The following RAB37 variants were observed in gnomAD, a reference collection of about 807,000 sequenced individuals.
The protein encoded by RAB37 is ras-related protein Rab-37.
In RAB37, 29 loss-of-function variants were observed where a neutral mutation model predicts 33.1. The observed-to-expected ratio is 0.88, with a 90% CI of 0.65 to 1.20. The LOEUF is 1.20. Among genes scored for constraint, RAB37 ranks in the 50% most tolerant of loss-of-function variants. The probability of loss-of-function intolerance (pLI) is 0.00; values close to 1 mark genes in which losing one functional copy is unlikely to be tolerated. For missense variants in RAB37, 299 were observed against 301.1 expected (o/e 0.99, Z 0.05); for synonymous variants, 128 against 119.5 (o/e 1.07, Z -0.47).
At chr17:74,740,675 C>T in intron 1 of RAB37, 93 bp from the exon 2 acceptor site, 1 of 903,078 alleles carries the variant, frequency 1.1e-6, no homozygotes, top group Non-Finnish European at 1.8e-6. Flanking sequence ...CGTGCCAGCC[C>T]CCTCTTCTCT....
intron 1 of RAB37, among the ~76,000 whole-genome samples, chr17:74,728,418 G>C (rs954564807): frequency 2.0e-5 from 3 of 151,418 alleles, no homozygotes; most frequent in African/African-American, 7.3e-5. Context: ...TTCTTTCTAT[G>C]TGTGCATGTA....
chr17:74,717,658 C>T (rs564925261), intron 1 of RAB37, among the ~76,000 whole-genome samples: 2 of 151,596 alleles, frequency 1.3e-5, no homozygotes, highest in African/African-American at 2.4e-5. Flanking sequence ...ACTGAAAATA[C>T]GAAATTAGCC....
intron 1 of RAB37, among the ~76,000 whole-genome samples, chr17:74,696,949 G>A (rs944552477): frequency 6.6e-6 from 1 of 151,874 alleles, no homozygotes; most frequent in Non-Finnish European, 1.5e-5. Flanking sequence ...GTTTGGTTTG[G>A]TTTGGTTTTG....
intron 1 of RAB37, chr17:74,695,840 C>T: frequency 1.2e-6 from 2 of 1,613,956 alleles, no homozygotes; most frequent in Non-Finnish European, 1.7e-6. Context: ...GCAGAGGTCG[C>T]CCTCCAGGGG....
chr17:74,733,166 A>G (rs1475932491), upstream of RAB37, among the ~76,000 whole-genome samples: 1 of 151,836 alleles, frequency 6.6e-6, no homozygotes, highest in Non-Finnish European at 1.5e-5. Flanking sequence ...TGGTGACAGG[A>G]GTGTGTGTTT....
chr17:74,698,696 G>A, intron 1 of RAB37: 2 of 1,228,552 alleles, frequency 1.6e-6, no homozygotes, highest in East Asian at 2.6e-5. Context: ...GAGACACCAG[G>A]GCCTACTTGA....
upstream of RAB37, among the ~76,000 whole-genome samples, chr17:74,734,346 A>T (rs1412556887): frequency 1.3e-5 from 2 of 152,226 alleles, no homozygotes; most frequent in East Asian, 3.8e-4. Context: ...CTATATTAGT[A>T]TAACCTCATC....
upstream of RAB37, among the ~76,000 whole-genome samples, chr17:74,735,247 A>G (rs1344495078): frequency 6.6e-6 from 1 of 151,732 alleles, no homozygotes; most frequent in African/African-American, 2.4e-5. Flanking sequence ...GAGAGAAAAG[A>G]CCGCATACCA....
At chr17:74,702,583 C>A (rs1469880924) in intron 1 of RAB37, among the ~76,000 whole-genome samples, 1 of 152,168 alleles carries the variant, frequency 6.6e-6, no homozygotes, top group African/African-American at 2.4e-5. Flanking sequence ...AGGACTTCCC[C>A]AAGCCCTCCT....
chr17:74,685,021 G>A (rs2032026868), intron 1 of RAB37, among the ~76,000 whole-genome samples: 1 of 150,364 alleles, frequency 6.7e-6, no homozygotes, highest in African/African-American at 2.4e-5. Context: ...GAAACTCATA[G>A]AAAGGTACAA....
Position 74,744,462 on chromosome 17 carries a change from A to C in RAB37, c.432+89A>C, listed in dbSNP as rs1481418516. On this transcript the variant is annotated intron_variant, in intron 6 of 8. Transcript: ENST00000392613. This position sits in a 1 kb window ranked among gnomAD's most constrained non-coding sequence, Gnocchi z 4.2. Reference sequence around the variant, plus strand: ...ACCACCCAAGAACAGTTATCTAGGCATCCTTCCTGAAAAGGACTCTGCAGC... The same window carrying C: ...ACCACCCAAGAACAGTTATCTAGGCCTCCTTCCTGAAAAGGACTCTGCAGC... The C allele has an allele frequency of 7.8e-7, 1 of 1,279,646 alleles. No individual in the cohort carries two copies. The highest frequency in any genetic ancestry group is 1.1e-6 in the Non-Finnish European group (1 of 880,328). The allele number at this position is 1,279,646 out of a possible 1,614,324, so 79.3% of individuals were successfully genotyped here.
Position 74,713,179 on chromosome 17 carries a change from C to T in RAB37, c.73-16077C>T, listed in dbSNP as rs148730410. On this transcript the variant is annotated intron_variant, in intron 1 of 7. Coordinates refer to the RAB37 transcript ENST00000340415. ...AATTAGCCAGGCGTGGTGGCGCACA[C>T]CTGTAGTCCCAGCTACTCAGGAGGC... Among the ~76,000 whole-genome samples, 436 of 152,126 alleles carry T rather than the reference C, an allele frequency of 2.9e-3. 2 individuals are homozygous for T. The highest frequency in any genetic ancestry group is 0.014 in the Middle Eastern group (4 of 294).
At chr17:74,705,137 C>G (rs2033402425) in intron 1 of RAB37, 2 of 680,936 alleles carry the variant, frequency 2.9e-6, no homozygotes, top group Non-Finnish European at 5.4e-6. Context: ...CCTTTTGCAG[C>G]CATCTTTGTG....
chr17:74,735,397 G>C (rs544100836), upstream of RAB37, among the ~76,000 whole-genome samples: 1 of 152,190 alleles, frequency 6.6e-6, no homozygotes, highest in Non-Finnish European at 1.5e-5. Flanking sequence ...TTAGCCAGGC[G>C]TGGTGGCGTG....
chr17:74,744,926 C>T lies in RAB37; in HGVS notation c.486C>T (p.Ala162=), dbSNP rs1378508864. ...VIRSEDGETL[A]REYGVPFLET... is the part of the protein sequence containing the mutation. ...GTTCCGAAGACGGAGAGACCTTGGC[C>T]AGGGTAAGTGATTGTCTGTGGGACA... Residue 162 remains alanine, a synonymous_variant, in exon 7 of 9, where the codon GCC becomes GCT. Coordinates refer to ENST00000392613, the MANE Select transcript of RAB37 (RefSeq NM_001006638.3). The surrounding 1 kb of genome is among the most constrained non-coding windows in gnomAD (Gnocchi z 4.2). 1 of 1,614,286 alleles carries T rather than the reference C, an allele frequency of 6.2e-7. No individual in the cohort carries two copies. The highest frequency in any genetic ancestry group is 1.7e-5 in the Admixed American group (1 of 60,036).
upstream of RAB37, among the ~76,000 whole-genome samples, chr17:74,735,002 A>AGGAAGGAAGGAAGG (rs1227376183): frequency 1.2e-5 from 1 of 86,690 alleles, no homozygotes; most frequent in Admixed American, 1.3e-4. Context: ...GAAGAAAGAA[A>AGGAAGGAAGGAAGG]AAGAAAGGAA....
rs1299189556 is a variant in RAB37, at chr17:74,740,797, C to T, written c.123C>T (p.Gly41=). Residue 41 remains glycine (G), a synonymous_variant, in exon 2 of 9, where the codon GGC becomes GGT. Transcript: ENST00000392613. The part of the protein sequence containing the change: ...KVMLLGDTGV[G]KTCFLIQFKD... ...TGCTTCTGGGAGACACAGGCGTCGGCAAAACATGTTTCCTGATCCAATTCA... is the reference window on the plus strand; with the variant it reads ...TGCTTCTGGGAGACACAGGCGTCGGTAAAACATGTTTCCTGATCCAATTCA... 1 of 1,614,108 alleles carries T rather than the reference C, an allele frequency of 6.2e-7. No homozygotes were observed. The highest frequency in any genetic ancestry group is 8.5e-7 in the Non-Finnish European group (1 of 1,179,996).
intron 1 of RAB37, chr17:74,704,389 C>G: frequency 2.1e-6 from 2 of 950,268 alleles, no homozygotes; most frequent in Non-Finnish European, 3.2e-6. Context: ...ATAGATCACT[C>G]AGTGACAATT....
At chr17:74,690,550 A>G (rs574255829) in intron 1 of RAB37, among the ~76,000 whole-genome samples, 1 of 152,292 alleles carries the variant, frequency 6.6e-6, no homozygotes, top group East Asian at 1.9e-4. Context: ...GGCTGAGATG[A>G]CACCCAGATA....
Sources: gnomAD v4.1 joint callset for allele counts (sites outside exome capture counted in the v4.1 genomes callset) on GRCh38, gnomAD v4.1.1 for gene constraint, Gnocchi (gnomAD v3.1) non-coding constraint, MANE v1.5 for transcripts, NCBI Gene and HGNC (gene_info 2026-07-23, HGNC 2026-07-21) for gene names.